Variants in NALCN observed in about 807,000 individuals in gnomAD.
The protein encoded by NALCN is sodium leak channel, non-selective.
A neutral mutation model predicts 225.3 loss-of-function variants in NALCN; 111 were observed. The ratio of observed to expected loss-of-function variants is 0.49; its 90% CI spans 0.42 to 0.58. NALCN has a LOEUF of 0.58. Among genes scored for constraint, NALCN ranks in the 20% least tolerant of loss-of-function variants. The pLI, the probability that NALCN is intolerant of heterozygous loss-of-function variation, is 0.00. For synonymous variants in NALCN, 764 were observed against 769.0 expected, an observed-to-expected ratio of 0.99 and a Z score of 0.11; for missense variants, 1,378 against 2,202.4, an observed-to-expected ratio of 0.63 and a Z score of 7.49.
At chr13:101,403,153 GTTCA>G (rs2047524399) in intron 1 of NALCN, among the ~76,000 whole-genome samples, 1 of 152,106 alleles carries the variant, frequency 6.6e-6, no homozygotes, top group Admixed American at 6.5e-5. Flanking sequence ...TCACTCATTT[GTTCA>G]TTCATTCATT....
chr13:101,074,703 A>T, intron 35 of NALCN, 41 bp from the exon 36 acceptor site: 2 of 1,549,860 alleles, frequency 1.3e-6, no homozygotes, highest in Non-Finnish European at 1.7e-6. Flanking sequence ...AGAGAGAGAG[A>T]GAGAGAGAGA....
chr13:101,077,324 G>A (rs761805193), intron 34 of NALCN, among the ~76,000 whole-genome samples: 13 of 152,344 alleles, frequency 8.5e-5, no homozygotes, highest in East Asian at 3.9e-4. Context: ...ATGTGGAAGC[G>A]ACTTTGGAAC....
intron 2 of NALCN, among the ~76,000 whole-genome samples, chr13:101,397,887 G>A (rs1488930443): frequency 3.3e-5 from 5 of 152,088 alleles, no homozygotes; most frequent in African/African-American, 1.2e-4. Context: ...GGATGCCAGA[G>A]GTGACATCTC....
At position 101,283,904 on chromosome 13, in the gene NALCN, C is replaced by T. The variant is rs560841058; in HGVS notation, c.1134+29G>A. The T allele has an allele frequency of 2.2e-5, 35 of 1,563,628 alleles. No homozygotes were observed. The South Asian group carries it at 2.3e-4, about 10-fold the overall frequency. On this transcript the variant is annotated intron_variant, in intron 10 of 43. Transcript: ENST00000251127. ...ATAAAATTCAAAGACCTTTGCTGGG[C>T]GATTTTTAAAAATGTCATTGTACTG...
intron 13 of NALCN, among the ~76,000 whole-genome samples, chr13:101,214,891 T>A (rs1273909151): frequency 6.6e-6 from 1 of 152,134 alleles, no homozygotes; most frequent in East Asian, 1.9e-4. Flanking sequence ...CTGTGCCTCT[T>A]GACTTGGGCA....
intron 31 of NALCN, 37 bp downstream of exon 31, chr13:101,083,674 G>C: frequency 6.3e-7 from 1 of 1,595,696 alleles, no homozygotes. Context: ...GTGCACACTA[G>C]TGCCCAACAT....
chr13:101,342,123 T>C (rs1363881011), intron 7 of NALCN, among the ~76,000 whole-genome samples: 1 of 151,810 alleles, frequency 6.6e-6, no homozygotes, highest in Non-Finnish European at 1.5e-5. Context: ...CAAGATGGAA[T>C]TGAAGGTTTT....
At chr13:101,369,107 G>A (rs1347810799) in intron 6 of NALCN, 1 of 239,970 alleles carries the variant, frequency 4.2e-6, no homozygotes, top group Non-Finnish European at 8.7e-6. Flanking sequence ...CATGTGGCTA[G>A]TTAAGCATTT....
chr13:101,323,226 T>C (rs975884154), intron 7 of NALCN, among the ~76,000 whole-genome samples: 7 of 152,218 alleles, frequency 4.6e-5, no homozygotes, highest in African/African-American at 9.6e-5. Flanking sequence ...TAATTTGGAA[T>C]AGTAGGTAGA....
At chr13:101,103,149 A>T (rs1594208358) in intron 26 of NALCN, 23 bp downstream of exon 26, 1 of 1,608,842 alleles carries the variant, frequency 6.2e-7, no homozygotes, top group East Asian at 2.2e-5. Flanking sequence ...GTGAACTGGA[A>T]TCAAAGGATA....
intron 11 of NALCN, 152 bp downstream of exon 11, chr13:101,258,291 C>G: frequency 8.5e-7 from 1 of 1,182,218 alleles, no homozygotes. Flanking sequence ...CACACTGTGA[C>G]CAGAGGAACC....
At chr13:101,214,031 T>C (rs138709421) in intron 13 of NALCN, among the ~76,000 whole-genome samples, 4,713 of 152,212 alleles carry the variant, frequency 0.031, 230 homozygotes, top group African/African-American at 0.1. Context: ...TAGCAAAGAC[T>C]TGGAACCAAC....
intron 9 of NALCN, among the ~76,000 whole-genome samples, chr13:101,286,632 C>T (rs749999486): frequency 1.3e-5 from 2 of 152,068 alleles, no homozygotes; most frequent in Non-Finnish European, 2.9e-5. Flanking sequence ...TTATTTTGGG[C>T]TTTTTTGTCC....
intron 15 of NALCN, among the ~76,000 whole-genome samples, chr13:101,169,789 C>A (rs1594355061): frequency 6.6e-6 from 1 of 152,156 alleles, no homozygotes; most frequent in East Asian, 1.9e-4. Context: ...TGTTAGTTGC[C>A]ACGTCTTTAA....
At position 101,271,342 on chromosome 13, in the gene NALCN, G is replaced by A. The variant is rs138546472; in HGVS notation, c.1134+12591C>T. ...TATATATTTAAATAAATATATATGG[G>A]ATATTTAGAACTGAGGATTTATACA... On this transcript the variant is annotated intron_variant, in intron 10 of 43. Transcript: ENST00000251127. 7.5e-3 allele frequency among the ~76,000 whole-genome samples: 1,138 copies of A among 151,808 alleles called. 15 individuals are homozygous for A. The highest frequency in any genetic ancestry group is 0.026 in the African/African-American group (1,084 of 41,404).
At chr13:101,386,102 G>T (rs570410155) in intron 3 of NALCN, among the ~76,000 whole-genome samples, 3 of 152,034 alleles carry the variant, frequency 2.0e-5, no homozygotes, top group Non-Finnish European at 4.4e-5. Context: ...ATCCACTGTG[G>T]TTTGATTAGT....
At chr13:101,181,023 CCATTTTGAAG>C in intron 14 of NALCN, 3 of 502,460 alleles carry the variant, frequency 6.0e-6, no homozygotes, top group Non-Finnish European at 1.2e-5. Context: ...TAGTTCTGTA[CCATTTTGAAG>C]CATTTAGACT....
chr13:101,135,952 A>G (rs1000784206), intron 17 of NALCN, among the ~76,000 whole-genome samples: 1 of 152,246 alleles, frequency 6.6e-6, no homozygotes, highest in Non-Finnish European at 1.5e-5. Flanking sequence ...CCTATAAAAA[A>G]TTCTTAATCC....
intron 15 of NALCN, among the ~76,000 whole-genome samples, chr13:101,148,671 CG>C (rs1362565188): frequency 6.6e-6 from 1 of 152,160 alleles, no homozygotes; most frequent in African/African-American, 2.4e-5. Flanking sequence ...CATTATTCCA[CG>C]GGCAGTGGCT....
Sources: allele counts gnomAD v4.1 joint callset (sites outside exome capture counted in the v4.1 genomes callset), GRCh38; gene constraint gnomAD v4.1.1; transcripts MANE v1.5; gene names NCBI Gene and HGNC (gene_info 2026-07-23, HGNC 2026-07-21).